The following PDE11A variants were observed in gnomAD, a reference collection of about 807,000 sequenced individuals.
PDE11A encodes the protein dual 3',5'-cyclic-AMP and -GMP phosphodiesterase 11A.
Under a neutral mutation model 100.5 loss-of-function variants are expected in PDE11A, and 100 were observed. The observed-to-expected ratio is 1.00, with a 90% CI of 0.85 to 1.18. The LOEUF (loss-of-function observed/expected upper bound fraction) is 1.18, where lower values mean the gene tolerates loss of function less well. Ranked by LOEUF, PDE11A falls within the 50% of genes most tolerant of loss-of-function variation. PDE11A has a pLI of 0.00. For missense variants in PDE11A, 1,141 were observed against 1,152.6 expected (o/e 0.99, Z 0.15); for synonymous variants, 381 against 420.8 (o/e 0.91, Z 1.16).
At chr2:178,104,946 C>T (rs1347318687) in intron 1 of PDE11A, among the ~76,000 whole-genome samples, 2 of 152,080 alleles carry the variant, frequency 1.3e-5, no homozygotes, top group Non-Finnish European at 2.9e-5. Context: ...ATTTATATGT[C>T]TACAATAATC....
chr2:178,014,167 T>TA, intron 2 of PDE11A, 135 bp downstream of exon 2: 1 of 676,792 alleles, frequency 1.5e-6, no homozygotes, highest in Non-Finnish European at 2.6e-6. Context: ...TCATTTTGTA[T>TA]ACCATGAGAA....
chr2:178,087,778 C>G (rs1051760550), intron 2 of PDE11A, among the ~76,000 whole-genome samples: 1 of 151,988 alleles, frequency 6.6e-6, no homozygotes, highest in South Asian at 2.1e-4. Context: ...CATTTTCTAA[C>G]CTTTGTACAC....
At chr2:177,944,579 G>A (rs1211196779) in intron 2 of PDE11A, among the ~76,000 whole-genome samples, 1 of 152,192 alleles carries the variant, frequency 6.6e-6, no homozygotes, top group African/African-American at 2.4e-5. Context: ...AAAATGAACA[G>A]TTTTATTAGA....
rs114153602 is a variant in PDE11A, at chr2:177,992,172, T to C, written c.1071+22130A>G. ...AAAAATCTACAGATCAATTTCATTA[T>C]CCATATTAAGTGCTAACTGAACCCA... is the stretch of plus-strand genomic sequence containing the variant. On this transcript the variant is annotated intron_variant, in intron 2 of 19. Coordinates refer to ENST00000286063, the MANE Select transcript of PDE11A (RefSeq NM_016953.4). 6.2e-3 allele frequency among the ~76,000 whole-genome samples: 945 copies of C among 151,480 alleles called. 27 individuals are homozygous for C. The highest frequency in any genetic ancestry group is 0.022 in the African/African-American group (902 of 41,268).
intron 9 of PDE11A, among the ~76,000 whole-genome samples, chr2:177,786,727 A>G (rs2105526936): frequency 6.6e-6 from 1 of 152,346 alleles, no homozygotes; most frequent in East Asian, 1.9e-4. Context: ...AAGCTCAAGA[A>G]CTACGTGAAG....
chr2:177,631,322 A>AAAAAAAAAAAAAAAAAAAAC lies in PDE11A; in HGVS notation c.2647-1761_2647-1760insGTTTTTTTTTTTTTTTTTTT, dbSNP rs1469522170. ...AAAAAAAAAAAAAACAAAAAAAAAAACAACCTAGGCGTGGTGGCACATGCC... is the reference window on the plus strand; with the variant it reads ...AAAAAAAAAAAAAACAAAAAAAAAAAAAAAAAAAAAAAAAAAAAACCAACCTAGGCGTGGTGGCACATGCC... On this transcript the variant is annotated intron_variant, in intron 19 of 19. Coordinates refer to ENST00000286063, the MANE Select transcript of PDE11A (RefSeq NM_016953.4). 7.7e-4 allele frequency among the ~76,000 whole-genome samples: 13 copies of AAAAAAAAAAAAAAAAAAAAC among 16,886 alleles called. 2 individuals carry two copies. Among genetic ancestry groups the AAAAAAAAAAAAAAAAAAAAC allele is most frequent in the African/African-American group, 1.1e-3 (12 of 10,846 alleles). 11.1% of individuals were successfully genotyped at this position (16,886 alleles called of 152,430 possible).
intron 13 of PDE11A, among the ~76,000 whole-genome samples, chr2:177,706,671 G>A (rs2081284417): frequency 1.3e-5 from 2 of 152,192 alleles, no homozygotes; most frequent in African/African-American, 2.4e-5. Context: ...CATAAGGTAG[G>A]TGCAGTGCCC....
intron 2 of PDE11A, among the ~76,000 whole-genome samples, chr2:177,931,022 T>C (rs1015991747): frequency 2.0e-5 from 3 of 152,174 alleles, no homozygotes; most frequent in African/African-American, 7.2e-5. Flanking sequence ...ATCCCACACT[T>C]TTCCCCAACA....
chr2:177,809,117 G>A, intron 9 of PDE11A, among the ~76,000 whole-genome samples: 1 of 152,116 alleles, frequency 6.6e-6, no homozygotes. Flanking sequence ...AGAGGGGAGT[G>A]GGGAGTTAGT....
chr2:178,067,793 A>G (rs1194364107), intron 1 of PDE11A, among the ~76,000 whole-genome samples: 1 of 152,138 alleles, frequency 6.6e-6, no homozygotes, highest in African/African-American at 2.4e-5. Flanking sequence ...CCCTCTACCC[A>G]AGGCCTTGGG....
intron 19 of PDE11A, among the ~76,000 whole-genome samples, chr2:177,662,371 C>A (rs2080496361): frequency 6.6e-6 from 1 of 152,130 alleles, no homozygotes; most frequent in African/African-American, 2.4e-5. Context: ...TAAGCTTTAC[C>A]CAAAGTAAAA....
chr2:177,696,346 T>A (rs2081112069), intron 15 of PDE11A, among the ~76,000 whole-genome samples: 1 of 151,980 alleles, frequency 6.6e-6, no homozygotes, highest in Non-Finnish European at 1.5e-5. Flanking sequence ...CAAGAGCTTA[T>A]ACACAGGAGC....
intron 2 of PDE11A, among the ~76,000 whole-genome samples, chr2:177,929,698 G>A (rs934533823): frequency 4.6e-5 from 7 of 152,162 alleles, no homozygotes; most frequent in African/African-American, 1.4e-4. Flanking sequence ...TGGGAAGAGA[G>A]AGTTAATTTT....
chr2:177,884,068 C>T (rs538706588), intron 4 of PDE11A, among the ~76,000 whole-genome samples: 34 of 152,296 alleles, frequency 2.2e-4, no homozygotes, highest in South Asian at 4.1e-4. Flanking sequence ...AAGATCAGCC[C>T]TCAAGGGCAC....
At chr2:177,958,621 G>A (rs555124608) in intron 2 of PDE11A, among the ~76,000 whole-genome samples, 1 of 152,260 alleles carries the variant, frequency 6.6e-6, no homozygotes, top group Non-Finnish European at 1.5e-5. Flanking sequence ...TACAGAGAAT[G>A]GCTATCAAAA....
At chr2:177,722,283 C>T (rs558923224) in intron 12 of PDE11A, among the ~76,000 whole-genome samples, 111 of 152,242 alleles carry the variant, frequency 7.3e-4, no homozygotes, top group Non-Finnish European at 1.2e-3. Flanking sequence ...TTTACATGTC[C>T]TAAGAAAAAT....
intron 2 of PDE11A, among the ~76,000 whole-genome samples, chr2:177,968,811 C>A (rs137923434): frequency 8.6e-4 from 131 of 152,332 alleles, no homozygotes; most frequent in African/African-American, 3.0e-3. Flanking sequence ...CACTTGTACA[C>A]TGTTGGTGGG....
chr2:177,817,743 C>T, intron 8 of PDE11A, 115 bp downstream of exon 8: 2 of 656,116 alleles, frequency 3.0e-6, no homozygotes, highest in South Asian at 3.4e-5. Context: ...TTAATTTTGC[C>T]CTCCATTTAA....
chr2:177,824,555 C>T (rs1009498068), intron 6 of PDE11A, among the ~76,000 whole-genome samples: 9 of 152,062 alleles, frequency 5.9e-5, no homozygotes, highest in African/African-American at 2.2e-4. Context: ...GATGTGTATC[C>T]AGAGCCTAAA....
Sources: allele counts gnomAD v4.1 joint callset (sites outside exome capture counted in the v4.1 genomes callset), GRCh38; gene constraint gnomAD v4.1.1; transcripts MANE v1.5; gene names NCBI Gene and HGNC (gene_info 2026-07-23, HGNC 2026-07-21).